The following PCDHA6 variants were observed in gnomAD, a reference collection of about 807,000 sequenced individuals.
PCDHA6 encodes protocadherin alpha-6.
A neutral mutation model predicts 60.3 loss-of-function variants in PCDHA6; 55 were observed. The ratio of observed to expected loss-of-function variants is 0.91; its 90% CI spans 0.73 to 1.14. PCDHA6 has a LOEUF of 1.14. PCDHA6 is among the 50% of genes most tolerant of loss of function. The pLI is 0.00. For missense variants in PCDHA6, 1,327 were observed against 1,256.5 expected, an observed-to-expected ratio of 1.06 and a Z score of -0.85; for synonymous variants, 652 against 557.9, an observed-to-expected ratio of 1.17 and a Z score of -2.38.
At chr5:140,870,015 T>C (rs367677663) in intron 1 of PCDHA6, 5 of 1,613,476 alleles carry the variant, frequency 3.1e-6, no homozygotes, top group Admixed American at 1.7e-5. Context: ...TGAGGGTCAA[T>C]GGAACTTTAG....
At chr5:140,843,985 C>T (rs1171962814) in intron 1 of PCDHA6, among the ~76,000 whole-genome samples, 4 of 149,436 alleles carry the variant, frequency 2.7e-5, no homozygotes, top group Non-Finnish European at 6.0e-5. Context: ...TGCCTTACAG[C>T]CGTCTTCTCT....
intron 1 of PCDHA6, among the ~76,000 whole-genome samples, chr5:140,878,510 A>G (rs781881628): frequency 2.0e-5 from 3 of 152,250 alleles, no homozygotes; most frequent in Non-Finnish European, 4.4e-5. Flanking sequence ...ACGATACAGT[A>G]CAGTTGGTAA....
intron 1 of PCDHA6, among the ~76,000 whole-genome samples, chr5:140,945,724 A>G (rs569323682): frequency 4.6e-5 from 7 of 152,272 alleles, no homozygotes; most frequent in South Asian, 2.1e-4. Flanking sequence ...AAGAATATAC[A>G]ATGGAAAAAG....
chr5:140,941,619 C>T (rs1300512502), intron 1 of PCDHA6, among the ~76,000 whole-genome samples: 1 of 151,848 alleles, frequency 6.6e-6, no homozygotes, highest in African/African-American at 2.4e-5. Flanking sequence ...CCAGCCCATC[C>T]TGCTTCTTAA....
chr5:140,849,800 G>A, intron 1 of PCDHA6: 1 of 1,598,514 alleles, frequency 6.3e-7, no homozygotes, highest in African/African-American at 1.3e-5. Context: ...CGCCTTCACT[G>A]TGGGCCACGG....
At chr5:140,904,858 CTGTT>C (rs1335177457) in intron 1 of PCDHA6, among the ~76,000 whole-genome samples, 1 of 152,072 alleles carries the variant, frequency 6.6e-6, no homozygotes, top group Non-Finnish European at 1.5e-5. Context: ...TGAGAATTGT[CTGTT>C]TATGTCCTTA....
At chr5:140,848,345 G>A (rs1781463859) in intron 1 of PCDHA6, 3 of 918,556 alleles carry the variant, frequency 3.3e-6, no homozygotes, top group South Asian at 3.3e-5. Context: ...GACAAATACA[G>A]CCCTTTTCCC....
chr5:140,883,685 C>T (rs782100865), intron 1 of PCDHA6: 50 of 1,613,734 alleles, frequency 3.1e-5, no homozygotes, highest in Non-Finnish European at 3.7e-5. Context: ...GCCGGGCTGC[C>T]ACATCTTCAC....
chr5:140,966,428 C>T (rs1297076694), intron 1 of PCDHA6: 6 of 423,554 alleles, frequency 1.4e-5, no homozygotes, highest in Non-Finnish European at 1.2e-5. Flanking sequence ...TTGCTGAGCC[C>T]TCCTACCGCT....
At position 140,855,991 on chromosome 5, in the gene PCDHA6, A is replaced by C; in HGVS notation, c.2394+25506A>C. On this transcript the variant is annotated intron_variant, in intron 1 of 3. Coordinates refer to ENST00000529310, the MANE Select transcript of PCDHA6 (RefSeq NM_018909.4). ...TAAGAAATAGGACAGAAAATGTCAG[A>C]TCGTATGTGCGTTCTAGACCGCTGA... 2.0e-6 allele frequency: 3 copies of C among 1,492,426 alleles called. 1 individual carries two copies. In the South Asian group the frequency reaches 3.9e-5, roughly 20 times the overall value. 92.4% of individuals were successfully genotyped at this position (1,492,426 alleles called of 1,614,324 possible). A position where few individuals can be genotyped will look rare whatever the true frequency, so the allele number is the denominator to read the frequency against.
At chr5:140,838,077 AGTGTGTGTGTGTGT>A (rs57130401) in intron 1 of PCDHA6, among the ~76,000 whole-genome samples, 81 of 80,694 alleles carry the variant, frequency 1.0e-3, no homozygotes, top group East Asian at 2.9e-3. Flanking sequence ...ATATATATAT[AGTGTGTGTGTGTGT>A]GTGTGTGTGT....
intron 1 of PCDHA6, chr5:140,883,601 G>T: frequency 1.2e-6 from 2 of 1,614,022 alleles, no homozygotes; most frequent in Non-Finnish European, 1.7e-6. Flanking sequence ...GTCGGTGGGG[G>T]TGGCCGACGT....
intron 2 of PCDHA6, among the ~76,000 whole-genome samples, chr5:140,980,702 G>A (rs1472407152): frequency 6.6e-6 from 1 of 151,558 alleles, no homozygotes; most frequent in Non-Finnish European, 1.5e-5. Flanking sequence ...AAAGCCAAAT[G>A]TGCTCCTATT....
intron 1 of PCDHA6, among the ~76,000 whole-genome samples, chr5:140,960,936 T>G (rs1198055000): frequency 6.6e-6 from 1 of 152,210 alleles, no homozygotes. Flanking sequence ...CTAAGTTTAG[T>G]GAATTAGAAA....
chr5:141,010,291 G>A lies in PCDHA6; in HGVS notation c.*354G>A. ...GGATCCTGTCTTGATGACACTTGCA[G>A]GGCAGGCTGAAAAGTTTTGAGATTG... On this transcript the variant is annotated 3_prime_UTR_variant, in exon 4 of 4. Coordinates refer to ENST00000529310, the MANE Select transcript of PCDHA6 (RefSeq NM_018909.4). 1.3e-6 allele frequency: 2 copies of A among 1,549,990 alleles called. No individual in the cohort carries two copies. The highest frequency in any genetic ancestry group is 1.2e-5 in the South Asian group (1 of 83,762).
At chr5:140,915,107 C>T (rs1461317939) in intron 1 of PCDHA6, among the ~76,000 whole-genome samples, 1 of 151,880 alleles carries the variant, frequency 6.6e-6, no homozygotes, top group African/African-American at 2.4e-5. Flanking sequence ...CACCACAACA[C>T]CCACCTAATT....
chr5:140,866,420 T>C (rs2049348301), intron 1 of PCDHA6: 1 of 152,148 alleles, frequency 6.6e-6, no homozygotes, highest in African/African-American at 2.4e-5. Context: ...CAAATGTGTG[T>C]AGGTCTTTCA....
At chr5:140,919,393 T>C (rs2079115816) in intron 1 of PCDHA6, among the ~76,000 whole-genome samples, 1 of 152,222 alleles carries the variant, frequency 6.6e-6, no homozygotes, top group South Asian at 2.1e-4. Flanking sequence ...GGATGTTGTT[T>C]TCCTAAAAAC....
chr5:140,873,875 G>T (rs977504739), intron 1 of PCDHA6, among the ~76,000 whole-genome samples: 2 of 152,104 alleles, frequency 1.3e-5, no homozygotes, highest in African/African-American at 4.8e-5. Context: ...TGGCCAGGCT[G>T]GTCTTGAACT....
Sources: allele counts gnomAD v4.1 joint callset (sites outside exome capture counted in the v4.1 genomes callset), GRCh38; gene constraint gnomAD v4.1.1; transcripts MANE v1.5; gene names NCBI Gene and HGNC (gene_info 2026-07-23, HGNC 2026-07-21).